The following ATOSA variants were observed in gnomAD, a reference collection of about 807,000 sequenced individuals.
The protein encoded by ATOSA is atos homolog A, also known as atos homolog protein A.
chr15:52,608,531 T>C, the ATOSA span: 2 of 1,518,098 alleles, frequency 1.3e-6, no homozygotes, highest in East Asian at 2.3e-5. Context: ...ATAACAAATA[T>C]TTGAGACTTA....
the ATOSA span, among the ~76,000 whole-genome samples, chr15:52,648,967 C>T: frequency 6.6e-6 from 1 of 152,084 alleles, no homozygotes; most frequent in Non-Finnish European, 1.5e-5. Context: ...TCTCAATAGT[C>T]CTCATGCTGT....
At chr15:52,610,447 A>G in the ATOSA span, 2 of 1,470,398 alleles carry the variant, frequency 1.4e-6, no homozygotes, top group South Asian at 1.4e-5. Flanking sequence ...ATTATTGTAT[A>G]TTATTTTAAA....
chr15:52,608,925 C>T, the ATOSA span: 1 of 1,605,976 alleles, frequency 6.2e-7, no homozygotes. Flanking sequence ...GATTATAGTT[C>T]TCATTTATTA....
At chr15:52,706,345 T>C in the ATOSA span, among the ~76,000 whole-genome samples, 2 of 152,238 alleles carry the variant, frequency 1.3e-5, no homozygotes, top group East Asian at 1.9e-4. Context: ...CCTCAGTCTA[T>C]GGAGAAAAGA....
At chr15:52,709,206 C>T in the ATOSA span, among the ~76,000 whole-genome samples, 3 of 152,206 alleles carry the variant, frequency 2.0e-5, no homozygotes, top group African/African-American at 7.2e-5. Flanking sequence ...CCTCCCAAAA[C>T]CCACGATTGA....
At chr15:52,698,564 C>T in the ATOSA span, among the ~76,000 whole-genome samples, 1 of 152,130 alleles carries the variant, frequency 6.6e-6, no homozygotes, top group African/African-American at 2.4e-5. Context: ...TCAGCTCCAA[C>T]AAGTTGGAGA....
At chr15:52,689,259 G>A in the ATOSA span, among the ~76,000 whole-genome samples, 1 of 151,996 alleles carries the variant, frequency 6.6e-6, no homozygotes, top group African/African-American at 2.4e-5. Context: ...AATGTTCCTA[G>A]CTCTTATTCA....
chr15:52,612,696 G>A, the ATOSA span, among the ~76,000 whole-genome samples: 15 of 151,622 alleles, frequency 9.9e-5, no homozygotes, highest in East Asian at 1.9e-4. Flanking sequence ...GTAGAGATGA[G>A]GTTTCACTGT....
At chr15:52,652,072 C>A in the ATOSA span, 1 of 1,448,888 alleles carries the variant, frequency 6.9e-7, no homozygotes, top group Non-Finnish European at 9.0e-7. Context: ...AGAGTAAGAG[C>A]GCACATAGCA....
the ATOSA span, among the ~76,000 whole-genome samples, chr15:52,698,114 C>T: frequency 2.0e-5 from 3 of 151,372 alleles, no homozygotes; most frequent in Non-Finnish European, 2.9e-5. Flanking sequence ...GTAGCTGGGA[C>T]TACAGGCGCG....
At chr15:52,652,857 A>T in the ATOSA span, among the ~76,000 whole-genome samples, 2 of 152,202 alleles carry the variant, frequency 1.3e-5, no homozygotes, top group African/African-American at 4.8e-5. Flanking sequence ...ACTGGGCTTC[A>T]GTTTACCAGT....
At chr15:52,651,818 A>G in the ATOSA span, 5 of 1,516,304 alleles carry the variant, frequency 3.3e-6, no homozygotes, top group Non-Finnish European at 4.4e-6. Context: ...AAACAGCTAC[A>G]GAAAATTGGA....
the ATOSA span, among the ~76,000 whole-genome samples, chr15:52,695,697 G>T: frequency 6.6e-6 from 1 of 152,200 alleles, no homozygotes; most frequent in Non-Finnish European, 1.5e-5. Context: ...GGAAAAAATT[G>T]AGCAGAATAA....
chr15:52,688,560 G>T, the ATOSA span, among the ~76,000 whole-genome samples: 6 of 152,216 alleles, frequency 3.9e-5, no homozygotes, highest in Non-Finnish European at 8.8e-5. Flanking sequence ...GCCACTGAGG[G>T]ATGGGGGTTG....
At chr15:52,584,663 T>C in the ATOSA span, 2 of 1,204,892 alleles carry the variant, frequency 1.7e-6, no homozygotes, top group Non-Finnish European at 2.3e-6. Flanking sequence ...ACTGGTCTAG[T>C]TAGAGTCACA....
At chr15:52,619,669 C>G in the ATOSA span, among the ~76,000 whole-genome samples, 1 of 151,732 alleles carries the variant, frequency 6.6e-6, no homozygotes, top group African/African-American at 2.4e-5. Flanking sequence ...CCTGTCTCTA[C>G]TAAAAATACA....
chr15:52,602,463 C>A, the ATOSA span, among the ~76,000 whole-genome samples: 3 of 152,050 alleles, frequency 2.0e-5, no homozygotes, highest in East Asian at 5.8e-4. Context: ...CTAAGGTCAT[C>A]TTCAGTAAGA....
the ATOSA span, chr15:52,611,865 T>A: frequency 8.2e-7 from 1 of 1,225,120 alleles, no homozygotes; most frequent in South Asian, 1.4e-5. Flanking sequence ...AAAGTAGACA[T>A]CTGTGTGAGA....
chr15:52,652,063 G>A, the ATOSA span: 1 of 1,460,340 alleles, frequency 6.8e-7, no homozygotes, highest in Non-Finnish European at 9.0e-7. Flanking sequence ...AAAGGCAGCA[G>A]AGTAAGAGCG....
Sources: allele counts gnomAD v4.1 joint callset (sites outside exome capture counted in the v4.1 genomes callset), GRCh38; gene constraint gnomAD v4.1.1; transcripts MANE v1.5; gene names NCBI Gene and HGNC (gene_info 2026-07-23, HGNC 2026-07-21).